Variants in EFCAB6 observed in about 807,000 individuals in gnomAD.
EFCAB6 encodes the protein EF-hand calcium-binding domain-containing protein 6.
In EFCAB6, 156 loss-of-function variants were observed where a neutral mutation model predicts 169.8. The ratio of observed to expected loss-of-function variants is 0.92; its 90% confidence interval spans 0.81 to 1.05. EFCAB6 has a LOEUF of 1.05. Ranked by LOEUF, EFCAB6 falls within the 50% of genes least tolerant of loss-of-function variation. The pLI, the probability that EFCAB6 is intolerant of heterozygous loss-of-function variation, is 0.00. For missense variants in EFCAB6, 1,800 were observed against 1,829.1 expected, an observed-to-expected ratio of 0.98 and a Z score of 0.29; for synonymous variants, 698 against 676.4, an observed-to-expected ratio of 1.03 and a Z score of -0.50.
intron 14 of EFCAB6, 37 bp from the exon 15 acceptor site, chr22:43,672,170 C>T: frequency 1.2e-6 from 2 of 1,613,490 alleles, no homozygotes; most frequent in Middle Eastern, 3.3e-4. Flanking sequence ...CTAAGCCATA[C>T]ATCTGTAACC....
intron 12 of EFCAB6, 178 bp downstream of exon 12, chr22:43,683,569 G>A (rs1375613748): frequency 1.6e-5 from 9 of 580,226 alleles, no homozygotes; most frequent in African/African-American, 1.5e-4. Flanking sequence ...CTCAACCCTT[G>A]AGCTCGGGGC....
rs1164731957 is a variant in EFCAB6, at chr22:43,555,097, C to A, written c.3421-1G>T. 1 of 1,614,158 alleles carries A rather than the reference C, an allele frequency of 6.2e-7. No homozygotes were observed. ...TTTTCTCAGCCCACTCATCAGCTGT[C>A]TGGACAAAATAGAATGGAAATTGAT... On this transcript the variant is annotated splice_acceptor_variant, in intron 26 of 31. Coordinates refer to ENST00000262726, the MANE Select transcript of EFCAB6 (RefSeq NM_022785.4). LOFTEE classifies it high-confidence loss of function.
At chr22:43,619,211 G>A (rs993280021) in intron 20 of EFCAB6, among the ~76,000 whole-genome samples, 5 of 152,172 alleles carry the variant, frequency 3.3e-5, no homozygotes, top group African/African-American at 7.2e-5. Flanking sequence ...TCTAGGTGGT[G>A]CACACGTGGG....
At chr22:43,533,440 T>G (rs961427700) in intron 30 of EFCAB6, 1 of 152,210 alleles carries the variant, frequency 6.6e-6, no homozygotes, top group African/African-American at 2.4e-5. Context: ...AGAGCCACCA[T>G]AACCAGGTGT....
Position 43,812,246 on chromosome 22 carries a change from G to C in EFCAB6, c.-223C>G, listed in dbSNP as rs927309584. ...ACCCCAAGCCGCGGGGTCTCAGAGGGGCTGCCCATTCGGCGTCTCTAGGAC... is the reference window on the plus strand; with the variant it reads ...ACCCCAAGCCGCGGGGTCTCAGAGGCGCTGCCCATTCGGCGTCTCTAGGAC... On this transcript the variant is annotated 5_prime_UTR_variant, in exon 1 of 32. Transcript: ENST00000262726. The C allele has an allele frequency of 6.6e-6, 1 of 152,308 alleles. No individual in the cohort carries two copies. The highest frequency in any genetic ancestry group is 6.5e-5 in the Admixed American group (1 of 15,294). 9.4% of individuals were successfully genotyped at this position (152,308 alleles called of 1,614,324 possible). A position where few individuals can be genotyped will look rare whatever the true frequency, so the allele number is the denominator to read the frequency against.
At chr22:43,713,937 G>A (rs928874049) in intron 9 of EFCAB6, among the ~76,000 whole-genome samples, 11 of 152,052 alleles carry the variant, frequency 7.2e-5, no homozygotes, top group African/African-American at 1.4e-4. Context: ...CAAAGAACCC[G>A]GAATGGAAGA....
At chr22:43,751,963 A>G (rs1201969751) in intron 6 of EFCAB6, among the ~76,000 whole-genome samples, 1 of 152,148 alleles carries the variant, frequency 6.6e-6, no homozygotes, top group African/African-American at 2.4e-5. Flanking sequence ...AGTGCTAGCT[A>G]TTATTACTAG....
At chr22:43,788,286 A>G (rs2062152309) in intron 2 of EFCAB6, among the ~76,000 whole-genome samples, 2 of 152,180 alleles carry the variant, frequency 1.3e-5, no homozygotes, top group African/African-American at 4.8e-5. Context: ...TCAAGAAAGC[A>G]CTAAGATACC....
At chr22:43,663,033 A>G (rs533648739) in intron 17 of EFCAB6, among the ~76,000 whole-genome samples, 5 of 152,246 alleles carry the variant, frequency 3.3e-5, no homozygotes, top group Non-Finnish European at 7.3e-5. Flanking sequence ...TGTATACTCT[A>G]TACCTACAGG....
In EFCAB6 at chr22:43,751,797, C is replaced by T. The variant is rs150106930; in HGVS notation, c.507+3969G>A. On this transcript the variant is annotated intron_variant, in intron 6 of 31. Transcript: ENST00000262726. Reference sequence around the variant, plus strand: ...AACAAGTTGTCACATTTGCTGAATGCAAAGTAAGCATCAACATATGCCTGC... The same window carrying T: ...AACAAGTTGTCACATTTGCTGAATGTAAAGTAAGCATCAACATATGCCTGC... Among the ~76,000 whole-genome samples the T allele has an allele frequency of 2.6e-3, 397 of 152,326 alleles. 1 individual carries two copies. Among genetic ancestry groups the T allele is most frequent in the Non-Finnish European group, 3.8e-3 (259 of 68,034 alleles).
chr22:43,751,652 T>C (rs1469971292), intron 6 of EFCAB6, among the ~76,000 whole-genome samples: 1 of 152,164 alleles, frequency 6.6e-6, no homozygotes, highest in African/African-American at 2.4e-5. Flanking sequence ...CCACTTGAAG[T>C]AGATGCTCCA....
At chr22:43,650,794 G>A (rs986244278) in intron 17 of EFCAB6, among the ~76,000 whole-genome samples, 1 of 152,194 alleles carries the variant, frequency 6.6e-6, no homozygotes, top group African/African-American at 2.4e-5. Flanking sequence ...GTTGGGAACT[G>A]GAGCAAAGGT....
At chr22:43,732,190 G>C (rs956354130) in intron 7 of EFCAB6, among the ~76,000 whole-genome samples, 1 of 152,156 alleles carries the variant, frequency 6.6e-6, no homozygotes, top group Non-Finnish European at 1.5e-5. Context: ...GGTCCCATTT[G>C]CCTTTAATAA....
chr22:43,649,103 C>T (rs967684990), intron 17 of EFCAB6, among the ~76,000 whole-genome samples: 7 of 152,034 alleles, frequency 4.6e-5, no homozygotes, highest in African/African-American at 7.2e-5. Context: ...ATACAGAGCC[C>T]GAGGGGGAAA....
chr22:43,599,735 G>T (rs2052351675), intron 23 of EFCAB6, among the ~76,000 whole-genome samples: 1 of 152,098 alleles, frequency 6.6e-6, no homozygotes, highest in South Asian at 2.1e-4. Flanking sequence ...TAAAGTGACA[G>T]ACATCCCTAT....
intron 17 of EFCAB6, among the ~76,000 whole-genome samples, chr22:43,648,749 G>T (rs1181866863): frequency 6.6e-6 from 1 of 152,184 alleles, no homozygotes; most frequent in East Asian, 1.9e-4. Flanking sequence ...CGAAGAAGAA[G>T]AATCAGAGCT....
intron 30 of EFCAB6, among the ~76,000 whole-genome samples, chr22:43,533,897 CCTCCT>C (rs2047228706): frequency 6.6e-6 from 1 of 152,136 alleles, no homozygotes; most frequent in Non-Finnish European, 1.5e-5. Context: ...TGGGCTCTGG[CCTCCT>C]GGAGCCTCTG....
chr22:43,577,264 G>C (rs1028991514), intron 25 of EFCAB6, among the ~76,000 whole-genome samples: 1 of 152,160 alleles, frequency 6.6e-6, no homozygotes, highest in Non-Finnish European at 1.5e-5. Flanking sequence ...CAGGAAATCT[G>C]CATCCAGGGG....
At chr22:43,531,052 C>T (rs1029337369) in intron 30 of EFCAB6, 88 bp from the exon 31 acceptor site, 7 of 1,560,328 alleles carry the variant, frequency 4.5e-6, no homozygotes, top group Middle Eastern at 4.4e-4. Context: ...CCGCCTCGCC[C>T]AGCCCTGCTC....
Sources: allele counts gnomAD v4.1 joint callset (sites outside exome capture counted in the v4.1 genomes callset), GRCh38; gene constraint gnomAD v4.1.1; transcripts MANE v1.5; gene names NCBI Gene and HGNC (gene_info 2026-07-23, HGNC 2026-07-21).